Variants in FDX1 observed in about 807,000 individuals in gnomAD.
FDX1 encodes adrenodoxin, mitochondrial.
FDX1 carries 9 observed loss-of-function variants against 14.9 expected under a neutral mutation model. That is an observed-to-expected ratio of 0.60 (90% confidence interval 0.36 to 1.05). The LOEUF (loss-of-function observed/expected upper bound fraction) is 1.05, where lower values mean the gene tolerates loss of function less well. Ranked by LOEUF, FDX1 falls within the 50% of genes least tolerant of loss-of-function variation. The probability of loss-of-function intolerance (pLI) is 0.01; values close to 1 mark genes in which losing one functional copy is unlikely to be tolerated. For missense variants in FDX1, 204 were observed against 237.2 expected (o/e 0.86, Z 0.92); for synonymous variants, 92 against 99.4 (o/e 0.93, Z 0.44).
At chr11:110,444,649 TGTATATATATATATAC>T (rs1946427281) in intron 2 of FDX1, among the ~76,000 whole-genome samples, 1 of 90,518 alleles carries the variant, frequency 1.1e-5, no homozygotes, top group South Asian at 3.6e-4. Context: ...TGTGTGTGTG[TGTATATATATATATAC>T]GTATATATAT....
At chr11:110,439,715 T>C (rs534848694) in intron 2 of FDX1, among the ~76,000 whole-genome samples, 155 of 152,338 alleles carry the variant, frequency 1.0e-3, no homozygotes, top group African/African-American at 3.5e-3. Context: ...TTTGTTGCAA[T>C]TGATTTTGAG....
At chr11:110,434,886 C>T (rs913775828) in intron 1 of FDX1, among the ~76,000 whole-genome samples, 1 of 151,824 alleles carries the variant, frequency 6.6e-6, no homozygotes, top group African/African-American at 2.4e-5. Context: ...ACCACCATGC[C>T]TTTTATTTTT....
intron 2 of FDX1, among the ~76,000 whole-genome samples, chr11:110,447,044 G>A (rs1021100552): frequency 1.3e-5 from 2 of 151,774 alleles, no homozygotes; most frequent in African/African-American, 2.4e-5. Context: ...GTGTGGTGGC[G>A]TGCACCTGTA....
At chr11:110,439,319 T>C (rs1409825170) in intron 2 of FDX1, among the ~76,000 whole-genome samples, 2 of 152,106 alleles carry the variant, frequency 1.3e-5, no homozygotes, top group African/African-American at 4.8e-5. Context: ...GCAATTCTCC[T>C]ACCTCAGCTT....
chr11:110,449,786 C>T (rs1178533803), intron 2 of FDX1, among the ~76,000 whole-genome samples: 1 of 152,124 alleles, frequency 6.6e-6, no homozygotes, highest in Non-Finnish European at 1.5e-5. Flanking sequence ...CACCACCACA[C>T]CCAGCTAATT....
intron 1 of FDX1, among the ~76,000 whole-genome samples, chr11:110,430,904 T>G (rs1946326429): frequency 6.6e-6 from 1 of 152,262 alleles, no homozygotes; most frequent in Non-Finnish European, 1.5e-5. Context: ...CTGCCGGGAC[T>G]TGAAACTTGG....
chr11:110,434,281 C>T (rs7106274), intron 1 of FDX1, among the ~76,000 whole-genome samples: 22,032 of 151,472 alleles, frequency 0.15, 1,707 homozygotes, highest in East Asian at 0.24. Flanking sequence ...TACTAAACAA[C>T]ATCTCTCAGC....
chr11:110,460,860 G>T (rs1196053571), intron 3 of FDX1, among the ~76,000 whole-genome samples: 1 of 152,208 alleles, frequency 6.6e-6, no homozygotes, highest in African/African-American at 2.4e-5. Context: ...TAACTCTGAT[G>T]CTGTCTCTTT....
intron 2 of FDX1, among the ~76,000 whole-genome samples, chr11:110,445,263 AT>A (rs1946442986): frequency 6.6e-6 from 1 of 152,214 alleles, no homozygotes; most frequent in African/African-American, 2.4e-5. Context: ...TGCTTTTTGC[AT>A]AAATAATTTG....
chr11:110,457,811 A>T (rs1294730806), intron 3 of FDX1, among the ~76,000 whole-genome samples: 2 of 152,230 alleles, frequency 1.3e-5, no homozygotes, highest in Admixed American at 1.3e-4. Context: ...TACACTTTTA[A>T]TATAAACTAC....
intron 2 of FDX1, among the ~76,000 whole-genome samples, chr11:110,448,236 C>T (rs1946464401): frequency 6.6e-6 from 1 of 152,168 alleles, no homozygotes; most frequent in East Asian, 1.9e-4. Flanking sequence ...ATTGGAAGAT[C>T]CTGATTGTGT....
intron 2 of FDX1, among the ~76,000 whole-genome samples, chr11:110,442,109 C>T (rs7939545): frequency 0.17 from 25,509 of 152,220 alleles, 2,236 homozygotes; most frequent in East Asian, 0.25. Flanking sequence ...TGGGAACCTC[C>T]GCCTAGATTT....
At chr11:110,445,860 G>A (rs1173357028) in intron 2 of FDX1, among the ~76,000 whole-genome samples, 1 of 151,858 alleles carries the variant, frequency 6.6e-6, no homozygotes, top group Non-Finnish European at 1.5e-5. Context: ...TGTTAACATA[G>A]GTATTAATAC....
At chr11:110,441,536 G>A (rs778152705) in intron 2 of FDX1, among the ~76,000 whole-genome samples, 5 of 152,204 alleles carry the variant, frequency 3.3e-5, no homozygotes, top group East Asian at 1.9e-4. Context: ...AGAGACTAGC[G>A]CATTTTGCCC....
In FDX1 at chr11:110,429,951, C is replaced by G. The variant is rs2134562102; in HGVS notation, c.-170C>G. The G allele has an allele frequency of 7.8e-6, 3 of 382,282 alleles. No individual in the cohort carries two copies. Among genetic ancestry groups the G allele is most frequent in the Non-Finnish European group, 4.4e-6 (1 of 224,892 alleles). The allele number at this position is 382,282 out of a possible 1,614,324, so 23.7% of individuals were successfully genotyped here. On this transcript the variant is annotated 5_prime_UTR_variant, in exon 1 of 4. Transcript: ENST00000260270. ...CTTTATAGGTCACCCGGAAGGCACG[C>G]GGAACCTCGGCGCGGTGCTTCCAGC...
At chr11:110,439,374 A>G (rs955580032) in intron 2 of FDX1, among the ~76,000 whole-genome samples, 149 of 151,228 alleles carry the variant, frequency 9.9e-4, no homozygotes, top group African/African-American at 3.5e-3. Flanking sequence ...TGCCCGGCTA[A>G]TTTTTTTGTA....
intron 2 of FDX1, among the ~76,000 whole-genome samples, chr11:110,456,002 G>A (rs886856875): frequency 6.6e-6 from 1 of 152,160 alleles, no homozygotes; most frequent in African/African-American, 2.4e-5. Flanking sequence ...ACAAGGTGGT[G>A]TTTTAGTTCT....
intron 3 of FDX1, among the ~76,000 whole-genome samples, chr11:110,459,763 G>A (rs1946545153): frequency 6.6e-6 from 1 of 152,204 alleles, no homozygotes; most frequent in Non-Finnish European, 1.5e-5. Context: ...TTCTCTAGAA[G>A]TATGAGACAC....
intron 2 of FDX1, among the ~76,000 whole-genome samples, chr11:110,438,904 T>G (rs928331849): frequency 6.6e-6 from 1 of 152,044 alleles, no homozygotes; most frequent in Non-Finnish European, 1.5e-5. Context: ...GTTTACTTTG[T>G]TTTTTTGTTT....
Sources: allele counts gnomAD v4.1 joint callset (sites outside exome capture counted in the v4.1 genomes callset), GRCh38; gene constraint gnomAD v4.1.1; transcripts MANE v1.5; gene names NCBI Gene and HGNC (gene_info 2026-07-23, HGNC 2026-07-21).